The following CPNE1 variants were observed in gnomAD, a reference collection of about 807,000 sequenced individuals.
CPNE1 encodes the protein copine 1, also known as copine-1.
CPNE1 carries 58 observed loss-of-function variants against 63.2 expected under a neutral mutation model. That is an observed-to-expected ratio of 0.92 (90% CI 0.74 to 1.14). The LOEUF (loss-of-function observed/expected upper bound fraction) is 1.14, where lower values mean the gene tolerates loss of function less well. Ranked by LOEUF, CPNE1 falls within the 50% of genes most tolerant of loss-of-function variation. The pLI is 0.00. For missense variants in CPNE1, 672 were observed against 661.7 expected (o/e 1.02, Z -0.17); for synonymous variants, 237 against 249.0 (o/e 0.95, Z 0.45).
rs2032204709 is a variant in CPNE1, at chr20:35,632,296, T to G, written c.384+15A>C. ...TGATGTTAAGTCCCTCCTCAACCCT[T>G]GCTGGGTTCCTTACCGTGATGGTCC... On this transcript the variant is annotated intron_variant, in intron 4 of 15. Coordinates refer to ENST00000397443, the MANE Select transcript of CPNE1 (RefSeq NM_152925.3). The G allele has an allele frequency of 1.2e-6, 2 of 1,613,810 alleles. No individual in the cohort carries two copies. The highest frequency in any genetic ancestry group is 2.2e-5 in the South Asian group (2 of 91,078).
intron 1 of CPNE1, among the ~76,000 whole-genome samples, chr20:35,657,992 G>A (rs2076425370): frequency 6.6e-6 from 1 of 151,980 alleles, no homozygotes; most frequent in South Asian, 2.1e-4. Flanking sequence ...AACCCGGGAG[G>A]CAGAGATCAC....
chr20:35,659,685 T>G (rs1040015606), intron 1 of CPNE1, among the ~76,000 whole-genome samples: 1 of 152,104 alleles, frequency 6.6e-6, no homozygotes, highest in Admixed American at 6.5e-5. Flanking sequence ...AAATAAAATT[T>G]AAAAACACCC....
chr20:35,644,732 G>A (rs2033013237), intron 1 of CPNE1, among the ~76,000 whole-genome samples: 1 of 152,176 alleles, frequency 6.6e-6, no homozygotes, highest in Admixed American at 6.5e-5. Flanking sequence ...CAACAGCAGT[G>A]AGACTCACAT....
intron 1 of CPNE1, chr20:35,652,422 G>A: frequency 7.3e-7 from 1 of 1,369,652 alleles, no homozygotes; most frequent in East Asian, 2.3e-5. Context: ...ATATGCAATT[G>A]AAACAATCCA....
chr20:35,636,993 T>C (rs1251369924), intron 1 of CPNE1, among the ~76,000 whole-genome samples: 1 of 152,202 alleles, frequency 6.6e-6, no homozygotes. Context: ...ATTGTTTCAA[T>C]ATTTTATACT....
chr20:35,660,226 AG>A (rs1274422970), intron 1 of CPNE1, among the ~76,000 whole-genome samples: 1 of 151,708 alleles, frequency 6.6e-6, no homozygotes, highest in African/African-American at 2.4e-5. Context: ...TTTTTGAGAC[AG>A]GGTATCGCTC....
chr20:35,650,241 TTTAA>T (rs1568929738), intron 1 of CPNE1: 3 of 152,276 alleles, frequency 2.0e-5, no homozygotes, highest in Non-Finnish European at 4.4e-5. Context: ...AAACCGCTCT[TTTAA>T]TTTATTTAAT....
At chr20:35,626,541 C>T in intron 15 of CPNE1, 26 bp downstream of exon 15, 6 of 1,608,836 alleles carry the variant, frequency 3.7e-6, no homozygotes, top group Non-Finnish European at 5.1e-6. Context: ...AGGGTAAACT[C>T]CCAGATCAAA....
At chr20:35,655,289 T>C (rs750668702) in intron 1 of CPNE1, 13 of 1,611,522 alleles carry the variant, frequency 8.1e-6, no homozygotes, top group East Asian at 4.5e-5. Context: ...CCCGCCACAA[T>C]TGGGAGACCT....
intron 13 of CPNE1, among the ~76,000 whole-genome samples, chr20:35,628,310 TA>T (rs760787710): frequency 4.9e-4 from 68 of 139,488 alleles, no homozygotes; most frequent in Admixed American, 7.2e-4. Flanking sequence ...AAAAATAAAT[TA>T]AAAAAAAAAA....
intron 1 of CPNE1, among the ~76,000 whole-genome samples, chr20:35,660,375 C>T (rs2034165878): frequency 6.6e-6 from 1 of 152,070 alleles, no homozygotes; most frequent in East Asian, 1.9e-4. Context: ...CGCCACCACC[C>T]GCAGCTTATT....
intron 1 of CPNE1, chr20:35,652,255 G>C: frequency 3.1e-6 from 1 of 324,760 alleles, no homozygotes; most frequent in Admixed American, 4.5e-5. Context: ...GCTTTATGTG[G>C]TCATTTGAGT....
chr20:35,659,692 A>G (rs763880282), intron 1 of CPNE1, among the ~76,000 whole-genome samples: 10 of 152,148 alleles, frequency 6.6e-5, no homozygotes, highest in Non-Finnish European at 1.5e-4. Context: ...ATTTAAAAAC[A>G]CCCTAAAAAT....
chr20:35,661,534 A>T (rs2034231135), intron 1 of CPNE1, among the ~76,000 whole-genome samples: 2 of 152,360 alleles, frequency 1.3e-5, no homozygotes, highest in Non-Finnish European at 2.9e-5. Context: ...AAGATCTAAA[A>T]CAAGAAGCTG....
At chr20:35,652,749 A>AT (rs1322417016) in intron 1 of CPNE1, 1 of 1,613,474 alleles carries the variant, frequency 6.2e-7, no homozygotes. Flanking sequence ...TTTGCACTTT[A>AT]ATTACTGTCG....
chr20:35,654,133 G>A, intron 1 of CPNE1: 1 of 1,614,186 alleles, frequency 6.2e-7, no homozygotes. Context: ...TTGTCCAGAA[G>A]GTCCCATATT....
At chr20:35,639,923 C>A (rs186024568) in intron 1 of CPNE1, among the ~76,000 whole-genome samples, 16 of 152,204 alleles carry the variant, frequency 1.1e-4, no homozygotes, top group Admixed American at 8.5e-4. Context: ...GGACTAAATC[C>A]TTTTTCAGTT....
rs1211538664 is a variant in CPNE1 at position 35,632,344 on chromosome 20, C to A, written c.351G>T (p.Lys117Asn). 6 of 1,614,014 alleles carry A rather than the reference C, an allele frequency of 3.7e-6. No homozygotes were observed. Among genetic ancestry groups the A allele is most frequent in the Non-Finnish European group, 5.1e-6 (6 of 1,180,024 alleles). The stretch of plus-strand genomic sequence containing the variant: ...TCCCCCGCCCAGCAGGTTTTCCAGG[C>A]TTCAGCATCAAGGGGAGAGTCAGTA... ...SQVLTLPLML[K>N]PGKPAGRGTI... is the part of the protein sequence containing the mutation. Residue 117 changes from lysine to asparagine, a missense_variant, in exon 4 of 16, where the codon AAG becomes AAT. Physicochemically the swap from Lys to Asn is moderately conservative, Grantham distance 94. Transcript: ENST00000397443.
At chr20:35,646,343 T>A (rs1181692595) in intron 1 of CPNE1, among the ~76,000 whole-genome samples, 1 of 148,976 alleles carries the variant, frequency 6.7e-6, no homozygotes, top group Non-Finnish European at 1.5e-5. Context: ...TGTAGCACAA[T>A]GTGGTTGTTA....
Sources: gnomAD v4.1 joint callset for allele counts (sites outside exome capture counted in the v4.1 genomes callset) on GRCh38, gnomAD v4.1.1 for gene constraint, MANE v1.5 for transcripts, NCBI Gene and HGNC (gene_info 2026-07-23, HGNC 2026-07-21) for gene names.